Variants in MGRN1 observed in about 807,000 individuals in gnomAD.
MGRN1 encodes the protein mahogunin ring finger 1, also known as E3 ubiquitin-protein ligase MGRN1.
In MGRN1, 29 loss-of-function variants were observed where a neutral mutation model predicts 69.2. The ratio of observed to expected loss-of-function variants is 0.42; its 90% confidence interval spans 0.31 to 0.57. The LOEUF is 0.57. Among genes scored for constraint, MGRN1 ranks in the 20% least tolerant of loss-of-function variants. The pLI is 0.15. For missense variants in MGRN1, 998 were observed against 796.2 expected (o/e 1.25, Z -3.05); for synonymous variants, 470 against 344.2 (o/e 1.37, Z -4.04).
chr16:4,664,985 T>C, intron 6 of MGRN1, 117 bp from the exon 7 acceptor site: 2 of 1,290,476 alleles, frequency 1.5e-6, no homozygotes, highest in Middle Eastern at 4.0e-4. Context: ...CTCAGGACTC[T>C]ATGGACTCTG....
intron 1 of MGRN1, among the ~76,000 whole-genome samples, chr16:4,648,057 C>T (rs1257493965): frequency 5.3e-5 from 8 of 152,090 alleles, no homozygotes; most frequent in South Asian, 2.1e-4. Context: ...CTGAAGGCCC[C>T]GGGAAGGGCC....
At chr16:4,631,716 T>C (rs1417662954) in intron 1 of MGRN1, among the ~76,000 whole-genome samples, 1 of 152,236 alleles carries the variant, frequency 6.6e-6, no homozygotes, top group Non-Finnish European at 1.5e-5. Flanking sequence ...TGCTAAGTTC[T>C]TTGCATTTCC....
In MGRN1 at chr16:4,650,344, C is replaced by A. The variant is rs199624827; in HGVS notation, c.89-21C>A. 3.1e-4 allele frequency: 454 copies of A among 1,479,166 alleles called. 5 individuals carry two copies. Among genetic ancestry groups the A allele is most frequent in the Non-Finnish European group, 6.5e-5 (70 of 1,074,598 alleles). 91.6% of individuals were successfully genotyped at this position (1,479,166 alleles called of 1,614,324 possible). A position where few individuals can be genotyped will look rare whatever the true frequency, so the allele number is the denominator to read the frequency against. On this transcript the variant is annotated intron_variant, in intron 1 of 16. Coordinates refer to ENST00000262370, the MANE Select transcript of MGRN1 (RefSeq NM_015246.4). ...AAAAAAAAAAAAAAAAATCTATAAT[C>A]GTGTTTCCTTTTTTAAACAGGAAAC... is the stretch of plus-strand genomic sequence containing the variant.
chr16:4,688,941 G>A lies in MGRN1; in HGVS notation c.*33G>A, dbSNP rs549955014. The A allele has an allele frequency of 3.9e-5, 59 of 1,520,636 alleles. No homozygotes were observed. In the South Asian group the frequency reaches 4.5e-4, roughly 12 times the overall value. The allele number at this position is 1,520,636 out of a possible 1,614,324, so 94.2% of individuals were successfully genotyped here. On this transcript the variant is annotated 3_prime_UTR_variant, in exon 17 of 17. Coordinates refer to ENST00000262370, the MANE Select transcript of MGRN1 (RefSeq NM_015246.4). ...GCCGAGCTGGCAGCATGGAGCCCTC[G>A]GCTCCCCAGACTTTGCCGAGGGGCT...
chr16:4,671,480 T>G (rs1385454289), intron 9 of MGRN1, 21 bp downstream of exon 9: 2 of 1,611,106 alleles, frequency 1.2e-6, no homozygotes, highest in East Asian at 2.2e-5. Flanking sequence ...GGGTGAGGTT[T>G]CCCTCTGCCA....
chr16:4,672,334 C>A (rs968236861), intron 9 of MGRN1: 3 of 456,548 alleles, frequency 6.6e-6, no homozygotes, highest in Non-Finnish European at 1.3e-5. Context: ...GGCCTGAGAC[C>A]ACCACGCCTG....
chr16:4,683,350 G>A, intron 15 of MGRN1, 81 bp downstream of exon 15: 3 of 1,521,110 alleles, frequency 2.0e-6, no homozygotes, highest in Non-Finnish European at 2.7e-6. Context: ...GGCTCCAGGT[G>A]GTGTTGGGCC....
At chr16:4,682,148 C>G (rs924772229) in intron 13 of MGRN1, among the ~76,000 whole-genome samples, 2 of 152,222 alleles carry the variant, frequency 1.3e-5, no homozygotes, top group African/African-American at 4.8e-5. Flanking sequence ...TAGGCCCACT[C>G]TGCCGGTGAC....
chr16:4,686,969 T>C (rs953142014), intron 16 of MGRN1: 2 of 985,346 alleles, frequency 2.0e-6, no homozygotes, highest in Non-Finnish European at 2.4e-6. Context: ...GGAGAGTATC[T>C]TGCGTCCTGT....
Position 4,658,690 on chromosome 16 carries a change from A to G in MGRN1, c.561+1327A>G, listed in dbSNP as rs138155834. 7.9e-5 allele frequency among the ~76,000 whole-genome samples: 12 copies of G among 151,070 alleles called. No individual in the cohort carries two copies. The East Asian group carries it at 2.0e-3, about 25-fold the overall frequency. ...TGACGTTTAGCCACTCTCTGTAAAA[A>G]GCCTCCCTTGTCCTTGCATTAAAAA... is the stretch of plus-strand genomic sequence containing the variant. On this transcript the variant is annotated intron_variant, in intron 5 of 16. Transcript: ENST00000262370.
At chr16:4,666,553 C>T (rs2078810513) in intron 7 of MGRN1, among the ~76,000 whole-genome samples, 1 of 152,232 alleles carries the variant, frequency 6.6e-6, no homozygotes, top group Admixed American at 6.5e-5. Context: ...ACAAGGAGGG[C>T]TGTCTGCGGT....
At position 4,650,488 on chromosome 16, in the gene MGRN1, G is replaced by A. The variant is rs1567191143; in HGVS notation, c.207+5G>A. On this transcript the variant is annotated splice_donor_5th_base_variant and intron_variant, in intron 2 of 16. Coordinates refer to ENST00000262370, the MANE Select transcript of MGRN1 (RefSeq NM_015246.4). ...CTGGGCAGCCGCCCGGTCCAGGTGGGTCTGGACAGGGCTGTCTCATGGGGC... is the reference window on the plus strand; with the variant it reads ...CTGGGCAGCCGCCCGGTCCAGGTGGATCTGGACAGGGCTGTCTCATGGGGC... 1.9e-6 allele frequency: 3 copies of A among 1,606,274 alleles called. No homozygotes were observed. The highest frequency in any genetic ancestry group is 1.1e-5 in the South Asian group (1 of 89,928).
At chr16:4,627,534 T>C (rs1309084293) in intron 1 of MGRN1, among the ~76,000 whole-genome samples, 1 of 152,244 alleles carries the variant, frequency 6.6e-6, no homozygotes, top group Non-Finnish European at 1.5e-5. Flanking sequence ...ACGCCTATAA[T>C]CCCATCACTT....
rs748140187 is a variant in MGRN1, at chr16:4,673,542, G to T, written c.840G>T (p.Val280=). 10 of 1,613,712 alleles carry T rather than the reference G, an allele frequency of 6.2e-6. No homozygotes were observed. Among genetic ancestry groups the T allele is most frequent in the Non-Finnish European group, 8.5e-6 (10 of 1,179,994 alleles). ...GCGACAACAGCAACGAGTGTGTGGTGTGCCTGTCCGACCTGCGGGACACGC... is the reference window on the plus strand; with the variant it reads ...GCGACAACAGCAACGAGTGTGTGGTTTGCCTGTCCGACCTGCGGGACACGC... ...ENSDNSNECV[V]CLSDLRDTLI... The change falls in exon 10 of 17, where the codon GTG becomes GTT. Residue 280 remains valine, a synonymous_variant. Transcript: ENST00000262370.
At chr16:4,662,136 CCTTT>C (rs766749196) in intron 5 of MGRN1, among the ~76,000 whole-genome samples, 2 of 152,312 alleles carry the variant, frequency 1.3e-5, no homozygotes, top group Admixed American at 6.5e-5. Flanking sequence ...CGCTGTAACT[CCTTT>C]CTTCTCGTCT....
At chr16:4,628,083 A>G (rs1192178200) in intron 1 of MGRN1, among the ~76,000 whole-genome samples, 1 of 146,110 alleles carries the variant, frequency 6.8e-6, no homozygotes, top group Non-Finnish European at 1.5e-5. Flanking sequence ...CCGTCTCAAA[A>G]AAAAAAAAAA....
At chr16:4,664,649 C>G in intron 5 of MGRN1, 60 bp from the exon 6 acceptor site, 2 of 1,575,494 alleles carry the variant, frequency 1.3e-6, no homozygotes, top group African/African-American at 2.7e-5. Context: ...TGTTGACCGA[C>G]TCCAGGCTTC....
intron 10 of MGRN1, among the ~76,000 whole-genome samples, chr16:4,674,031 C>G (rs1022066831): frequency 6.6e-6 from 1 of 152,244 alleles, no homozygotes. Context: ...GTCGCCCAGG[C>G]TGGAGTTCAG....
intron 1 of MGRN1, among the ~76,000 whole-genome samples, chr16:4,641,252 C>A (rs74332226): frequency 6.6e-6 from 1 of 152,226 alleles, no homozygotes. Context: ...CTTCCCCAGG[C>A]CTGGTCCCTT....
Sources: gnomAD v4.1 joint callset for allele counts (sites outside exome capture counted in the v4.1 genomes callset) on GRCh38, gnomAD v4.1.1 for gene constraint, MANE v1.5 for transcripts, NCBI Gene and HGNC (gene_info 2026-07-23, HGNC 2026-07-21) for gene names.